The following USH2A variants were observed in gnomAD, a reference collection of about 807,000 sequenced individuals.
The protein encoded by USH2A is Usher syndrome 2A (autosomal recessive, mild).
A neutral mutation model predicts 538.9 loss-of-function variants in USH2A; 443 were observed. That is an observed-to-expected ratio of 0.82 (90% CI 0.76 to 0.89). USH2A has a LOEUF of 0.89. Among genes scored for constraint, USH2A ranks in the 40% least tolerant of loss-of-function variants. The pLI is 0.00. For missense variants in USH2A, 6,633 were observed against 6,324.8 expected, an observed-to-expected ratio of 1.05 and a Z score of -1.65; for synonymous variants, 2,413 against 2,273.5, an observed-to-expected ratio of 1.06 and a Z score of -1.75.
chr1:215,767,687 T>C (rs998763556), intron 55 of USH2A, among the ~76,000 whole-genome samples: 2 of 152,206 alleles, frequency 1.3e-5, no homozygotes, highest in Non-Finnish European at 2.9e-5. Context: ...TTGTTAGAGT[T>C]ACTTAGCTTC....
chr1:215,669,224 C>T (rs1347287853), intron 64 of USH2A, among the ~76,000 whole-genome samples: 7 of 152,100 alleles, frequency 4.6e-5, no homozygotes, highest in South Asian at 4.1e-4. Context: ...AGCTCTCTCA[C>T]GAAGGTACCA....
rs373501682 is a variant in USH2A, at chr1:216,246,648, T to C, written c.2746A>G (p.Ile916Val). ...GTLPGTICDP[I>V]SGQCLCVPNR... ...GGCACACACAGGCACTGGCCACTGA[T>C]TGGGTCACAAATGGTCCCAGGTAAT... is the stretch of plus-strand genomic sequence containing the variant. The change falls in exon 13 of 72, where the codon ATC becomes GTC. Residue 916 changes from isoleucine to valine, a missense_variant. By Grantham distance (29) the Ile-to-Val change is conservative (BLOSUM62 3). Transcript: ENST00000307340. 5.6e-6 allele frequency: 9 copies of C among 1,613,990 alleles called. No individual in the cohort carries two copies. Among genetic ancestry groups the C allele is most frequent in the Non-Finnish European group, 7.6e-6 (9 of 1,179,978 alleles).
At chr1:215,831,550 A>C (rs1389173424) in intron 47 of USH2A, among the ~76,000 whole-genome samples, 1 of 152,182 alleles carries the variant, frequency 6.6e-6, no homozygotes, top group Non-Finnish European at 1.5e-5. Flanking sequence ...ACTCAGATAG[A>C]AACTTATCTG....
At position 215,690,405 on chromosome 1, in the gene USH2A, G is replaced by A. The variant is rs113967714; in HGVS notation, c.12067-10029C>T. On this transcript the variant is annotated intron_variant, in intron 61 of 71. Coordinates refer to ENST00000307340, the MANE Select transcript of USH2A (RefSeq NM_206933.4). The stretch of plus-strand genomic sequence containing the variant: ...CTTTCCCAGCTATTCCCACAATTGC[G>A]TAAGGTCTAATTCCTAGAGAAAGCG... Among the ~76,000 whole-genome samples the A allele has an allele frequency of 7.4e-3, 1,122 of 152,224 alleles. 22 individuals carry two copies. The highest frequency in any genetic ancestry group is 0.025 in the African/African-American group (1,050 of 41,530).
chr1:216,381,295 C>T (rs1023183218), intron 3 of USH2A, among the ~76,000 whole-genome samples: 1 of 152,048 alleles, frequency 6.6e-6, no homozygotes, highest in Admixed American at 6.6e-5. Flanking sequence ...GGTTAAAACT[C>T]AAAGTACATA....
Position 216,173,945 on chromosome 1 carries a change from C to G in USH2A, c.4627+1307G>C, listed in dbSNP as rs58572441. On this transcript the variant is annotated intron_variant, in intron 21 of 71. Transcript: ENST00000307340. Reference sequence around the variant, plus strand: ...CTTTTCCTTACCTTTTTTTTCTTTTCTTTTTTGCCATTTTAAGAATATAAA... The same window carrying G: ...CTTTTCCTTACCTTTTTTTTCTTTTGTTTTTTGCCATTTTAAGAATATAAA... 3.0e-5 allele frequency: 29 copies of G among 979,714 alleles called. No individual in the cohort carries two copies. The Admixed American group carries it at 1.4e-3, about 48-fold the overall frequency. 60.7% of individuals were successfully genotyped at this position (979,714 alleles called of 1,614,324 possible).
At chr1:216,183,411 T>C (rs887888365) in intron 20 of USH2A, among the ~76,000 whole-genome samples, 1 of 152,064 alleles carries the variant, frequency 6.6e-6, no homozygotes, top group Non-Finnish European at 1.5e-5. Flanking sequence ...TTCAGAAGAC[T>C]GTTCAATAAC....
intron 52 of USH2A, among the ~76,000 whole-genome samples, 199 bp from the exon 53 acceptor site, chr1:215,783,134 C>T (rs868195752): frequency 6.6e-5 from 10 of 151,754 alleles, no homozygotes; most frequent in African/African-American, 2.4e-4. Context: ...TGCAGGGATA[C>T]GGAATTGCAC....
intron 21 of USH2A, among the ~76,000 whole-genome samples, chr1:216,114,049 T>C (rs2032941204): frequency 6.6e-6 from 1 of 151,828 alleles, no homozygotes; most frequent in African/African-American, 2.4e-5. Flanking sequence ...TTCACTCTTT[T>C]GTATTAAAAT....
intron 37 of USH2A, among the ~76,000 whole-genome samples, chr1:215,957,741 T>A (rs1422844723): frequency 6.6e-6 from 1 of 152,138 alleles, no homozygotes; most frequent in Non-Finnish European, 1.5e-5. Flanking sequence ...TCAGGTGAAC[T>A]CACTCCTGCT....
chr1:215,804,984 G>C (rs900014987), intron 49 of USH2A, among the ~76,000 whole-genome samples: 1 of 152,088 alleles, frequency 6.6e-6, no homozygotes. Context: ...GTTCTTTGTA[G>C]GGACATGGAT....
intron 12 of USH2A, among the ~76,000 whole-genome samples, chr1:216,248,021 C>G (rs2102547547): frequency 6.6e-6 from 1 of 152,142 alleles, no homozygotes; most frequent in Admixed American, 6.5e-5. Context: ...ATAAATAAAA[C>G]TTATCCAGGG....
chr1:215,979,109 C>T (rs1159459767), intron 35 of USH2A, among the ~76,000 whole-genome samples: 2 of 152,126 alleles, frequency 1.3e-5, no homozygotes, highest in Admixed American at 6.5e-5. Flanking sequence ...GGAGGAGGAG[C>T]AAAGGGATGT....
intron 58 of USH2A, among the ~76,000 whole-genome samples, chr1:215,746,517 T>C (rs1440398275): frequency 1.3e-5 from 2 of 152,236 alleles, no homozygotes; most frequent in Non-Finnish European, 2.9e-5. Flanking sequence ...GAATTTCTTC[T>C]AATTTCTGCT....
intron 11 of USH2A, among the ~76,000 whole-genome samples, chr1:216,278,816 C>G (rs2102591692): frequency 6.6e-6 from 1 of 152,264 alleles, no homozygotes; most frequent in Non-Finnish European, 1.5e-5. Flanking sequence ...TAATTAATGA[C>G]AAATACCTAA....
chr1:216,160,197 G>A (rs1182639760), intron 21 of USH2A, among the ~76,000 whole-genome samples: 1 of 151,552 alleles, frequency 6.6e-6, no homozygotes, highest in Admixed American at 6.6e-5. Context: ...GGTGTCATAT[G>A]CTGCTTTAAT....
At chr1:215,801,117 G>A (rs1662317466) in intron 49 of USH2A, among the ~76,000 whole-genome samples, 2 of 151,976 alleles carry the variant, frequency 1.3e-5, no homozygotes, top group Non-Finnish European at 2.9e-5. Flanking sequence ...CAAGAAAATA[G>A]GAATAGATGA....
At position 216,073,279 on chromosome 1, in the gene USH2A, T is replaced by C. The variant is rs760543320; in HGVS notation, c.5594A>G (p.Asp1865Gly). 11 of 1,613,428 alleles carry C rather than the reference T, an allele frequency of 6.8e-6. No homozygotes were observed. In the Admixed American group the frequency reaches 1.8e-4, roughly 27 times the overall value. ...LEQGFGGCMK[D>G]VKFTRGAVVN... ...GACAGCACCCCGTGTAAATTTAACA[T>C]CCTTCATGCAACCACCGAAACCTAG... The change falls in exon 28 of 72, where the codon GAT becomes GGT. Residue 1865 changes from aspartate to glycine, a missense_variant. By Grantham distance (94) the Asp-to-Gly change is moderately conservative (BLOSUM62 -1). Coordinates refer to ENST00000307340, the MANE Select transcript of USH2A (RefSeq NM_206933.4).
chr1:216,043,297 T>C (rs1033771593), intron 32 of USH2A, among the ~76,000 whole-genome samples: 9 of 152,076 alleles, frequency 5.9e-5, no homozygotes, highest in African/African-American at 7.2e-5. Context: ...TTGAACCCCA[T>C]ATTAACTTTC....
Sources: allele counts gnomAD v4.1 joint callset (sites outside exome capture counted in the v4.1 genomes callset), GRCh38; gene constraint gnomAD v4.1.1; transcripts MANE v1.5; gene names NCBI Gene and HGNC (gene_info 2026-07-23, HGNC 2026-07-21).